The following PPP2CB variants were observed in gnomAD, a reference collection of about 807,000 sequenced individuals.
PPP2CB encodes protein phosphatase 2 catalytic subunit beta.
In PPP2CB, 18 loss-of-function variants were observed where a neutral mutation model predicts 39.1. The ratio of observed to expected loss-of-function variants is 0.46; its 90% CI spans 0.32 to 0.68. PPP2CB has a LOEUF of 0.68. PPP2CB is among the 30% of genes least tolerant of loss of function. The pLI, the probability that PPP2CB is intolerant of heterozygous loss-of-function variation, is 0.04. For synonymous variants in PPP2CB, 129 were observed against 133.8 expected (o/e 0.96, Z 0.25); for missense variants, 226 against 396.9 (o/e 0.57, Z 3.66).
intron 1 of PPP2CB, among the ~76,000 whole-genome samples, chr8:30,807,311 T>TA (rs1806741192): frequency 6.6e-6 from 1 of 152,188 alleles, no homozygotes; most frequent in Admixed American, 6.5e-5. Flanking sequence ...GAAAGTAATC[T>TA]AAAAAAATTT....
intron 1 of PPP2CB, among the ~76,000 whole-genome samples, chr8:30,808,440 T>G (rs543567465): frequency 6.6e-6 from 1 of 152,184 alleles, no homozygotes; most frequent in African/African-American, 2.4e-5. Context: ...GAATAGAAAT[T>G]TAAGGAAAAA....
chr8:30,793,861 T>C (rs1806479029), intron 5 of PPP2CB, 56 bp downstream of exon 5: 3 of 1,509,378 alleles, frequency 2.0e-6, no homozygotes, highest in Non-Finnish European at 2.7e-6. Flanking sequence ...TAATGCCTTA[T>C]TACAGAAGTA....
intron 1 of PPP2CB, among the ~76,000 whole-genome samples, chr8:30,805,969 G>C (rs372841354): frequency 3.3e-5 from 5 of 151,932 alleles, no homozygotes; most frequent in African/African-American, 9.7e-5. Context: ...TTCTAAGCTT[G>C]AGTGCTTGAG....
At chr8:30,807,816 C>T (rs1806748916) in intron 1 of PPP2CB, among the ~76,000 whole-genome samples, 1 of 152,236 alleles carries the variant, frequency 6.6e-6, no homozygotes, top group Admixed American at 6.5e-5. Context: ...AGCAATTTCT[C>T]TGCACACACA....
At chr8:30,795,502 T>G (rs1028113721) in intron 3 of PPP2CB, among the ~76,000 whole-genome samples, 1 of 152,218 alleles carries the variant, frequency 6.6e-6, no homozygotes, top group African/African-American at 2.4e-5. Context: ...ATAACTGAGT[T>G]TTGAATCATA....
At chr8:30,793,824 G>T in intron 5 of PPP2CB, 93 bp downstream of exon 5, 1 of 1,354,530 alleles carries the variant, frequency 7.4e-7, no homozygotes. Context: ...GGTAATAAAT[G>T]GTGAGGAATG....
rs1176030960 is a variant in PPP2CB, at chr8:30,795,586, T to C, written c.487-1305A>G. 3.3e-5 allele frequency among the ~76,000 whole-genome samples: 5 copies of C among 152,234 alleles called. No homozygotes were observed. In the East Asian group the frequency reaches 7.7e-4, roughly 23 times the overall value. ...TGTGCGTGCCACGTCTGGTTTGGCATTGAGGTTATACTAGGCATACGGTGT... is the reference window on the plus strand; with the variant it reads ...TGTGCGTGCCACGTCTGGTTTGGCACTGAGGTTATACTAGGCATACGGTGT... On this transcript the variant is annotated intron_variant, in intron 3 of 6. Transcript: ENST00000221138.
chr8:30,792,875 A>G (rs1806461359), intron 5 of PPP2CB, among the ~76,000 whole-genome samples: 1 of 152,032 alleles, frequency 6.6e-6, no homozygotes, highest in Non-Finnish European at 1.5e-5. Context: ...ATATAATTAA[A>G]TTTATTTTTA....
intron 1 of PPP2CB, among the ~76,000 whole-genome samples, chr8:30,801,404 C>T (rs894157581): frequency 5.9e-5 from 9 of 151,914 alleles, no homozygotes; most frequent in Non-Finnish European, 1.2e-4. Flanking sequence ...TGGTGGCGGG[C>T]GCCTGTAGCC....
chr8:30,812,301 G>GC lies in PPP2CB; in HGVS notation c.102+18dup, dbSNP rs1333848958. ...GTCCCAGCCCCGCGCTCCCGCACTC[G>GC]CCCCCGCGGCGCCCTCACCTTCTCG... is the stretch of plus-strand genomic sequence containing the variant. On this transcript the variant is annotated intron_variant, in intron 1 of 6. Coordinates refer to ENST00000221138, the MANE Select transcript of PPP2CB (RefSeq NM_001009552.2). 4 of 1,488,086 alleles carry GC rather than the reference G, an allele frequency of 2.7e-6. No homozygotes were observed. The highest frequency in any genetic ancestry group is 1.3e-5 in the South Asian group (1 of 79,628). 92.2% of individuals were successfully genotyped at this position (1,488,086 alleles called of 1,614,324 possible).
At position 30,812,630 on chromosome 8, in the gene PPP2CB, G is replaced by A. The variant is rs1406552290; in HGVS notation, c.-209C>T. 7.7e-6 allele frequency: 3 copies of A among 390,680 alleles called. No individual in the cohort carries two copies. The highest frequency in any genetic ancestry group is 1.4e-5 in the Non-Finnish European group (3 of 219,486). 24.2% of individuals were successfully genotyped at this position (390,680 alleles called of 1,614,324 possible). A position where few individuals can be genotyped will look rare whatever the true frequency, so the allele number is the denominator to read the frequency against. The stretch of plus-strand genomic sequence containing the variant: ...GCAGGCGGCTCCGAGCGCGCAGCCT[G>A]GAGGAGACCCCCGCCCGCCCTTCCC... On this transcript the variant is annotated 5_prime_UTR_variant, in exon 1 of 7. Coordinates refer to ENST00000221138, the MANE Select transcript of PPP2CB (RefSeq NM_001009552.2).
Position 30,812,393 on chromosome 8 carries a change from A to G in PPP2CB, c.29T>C (p.Leu10Pro). The change falls in exon 1 of 7, where the codon CTG becomes CCG. Residue 10 changes from leucine to proline, a missense_variant. Coordinates refer to ENST00000221138, the MANE Select transcript of PPP2CB (RefSeq NM_001009552.2). ...GTTCAGCTGCTCGACCCACTGGTCC[A>G]GCTCCTTGGTGAACGCCTTGTCGTC... Reference protein sequence around the residue: MDDKAFTKELDQWVEQLNEC... With the variant: MDDKAFTKEPDQWVEQLNEC... 6.5e-7 allele frequency: 1 copy of G among 1,544,854 alleles called. No homozygotes were observed.
Position 30,797,632 on chromosome 8 carries a change from A to C in PPP2CB, c.435T>G (p.Tyr145Ter), listed in dbSNP as rs781117280. 1 of 1,613,996 alleles carries C rather than the reference A, an allele frequency of 6.2e-7. No homozygotes were observed. The highest frequency in any genetic ancestry group is 1.3e-5 in the African/African-American group (1 of 75,058). The change falls in exon 3 of 7, where the codon TAT becomes TAG. Residue 145 changes from tyrosine (Y) to a stop codon, truncating the protein, a stop_gained. Transcript: ENST00000221138. LOFTEE classifies it high-confidence loss of function. ...GAAGATAATCAAAGAGATCTGTAAA[A>C]TATTTCCAAACGTTGGCATTCCCAT... ...RKYGNANVWK[Y>*]FTDLFDYLPL... is the part of the protein sequence containing the mutation.
rs1280912225 is a variant in PPP2CB at position 30,812,627 on chromosome 8, C to A, written c.-206G>T. 8 of 391,258 alleles carry A rather than the reference C, an allele frequency of 2.0e-5. 1 individual carries two copies. Among genetic ancestry groups the A allele is most frequent in the Non-Finnish European group, 2.7e-5 (6 of 220,142 alleles). The allele number at this position is 391,258 out of a possible 1,614,324, so 24.2% of individuals were successfully genotyped here. A position where few individuals can be genotyped will look rare whatever the true frequency, so the allele number is the denominator to read the frequency against. On this transcript the variant is annotated 5_prime_UTR_variant, in exon 1 of 7. Coordinates refer to ENST00000221138, the MANE Select transcript of PPP2CB (RefSeq NM_001009552.2). ...CCAGCAGGCGGCTCCGAGCGCGCAG[C>A]CTGGAGGAGACCCCCGCCCGCCCTT...
chr8:30,805,890 G>C (rs1481069716), intron 1 of PPP2CB, among the ~76,000 whole-genome samples: 1 of 152,012 alleles, frequency 6.6e-6, no homozygotes, highest in Non-Finnish European at 1.5e-5. Context: ...AAGTATCTCA[G>C]TCAAAAAACA....
chr8:30,806,336 G>A (rs932927030), intron 1 of PPP2CB, among the ~76,000 whole-genome samples: 8 of 151,856 alleles, frequency 5.3e-5, no homozygotes, highest in Non-Finnish European at 1.0e-4. Flanking sequence ...TTACAGGCGC[G>A]AACCACCATG....
intron 1 of PPP2CB, chr8:30,810,036 G>C (rs936645705): frequency 6.6e-6 from 1 of 151,992 alleles, no homozygotes; most frequent in Non-Finnish European, 1.5e-5. Flanking sequence ...AGGAGCCGAA[G>C]TAAAAATAAT....
chr8:30,795,051 C>A (rs563692795), intron 3 of PPP2CB, among the ~76,000 whole-genome samples: 6 of 151,416 alleles, frequency 4.0e-5, no homozygotes, highest in African/African-American at 1.5e-4. Context: ...GTTTCAAGTC[C>A]ATGCTCTAGG....
At chr8:30,794,421 C>T in intron 3 of PPP2CB, 140 bp from the exon 4 acceptor site, 1 of 727,198 alleles carries the variant, frequency 1.4e-6, no homozygotes, top group Non-Finnish European at 2.2e-6. Flanking sequence ...TTCTTCTTTA[C>T]CCCTTCTCTG....
Sources: gnomAD v4.1 joint callset for allele counts (sites outside exome capture counted in the v4.1 genomes callset) on GRCh38, gnomAD v4.1.1 for gene constraint, MANE v1.5 for transcripts, NCBI Gene and HGNC (gene_info 2026-07-23, HGNC 2026-07-21) for gene names.